Variants in C16orf96 observed in about 807,000 individuals in gnomAD.
C16orf96 encodes the protein chromosome 16 open reading frame 96.
C16orf96 carries 108 observed loss-of-function variants against 103.6 expected under a neutral mutation model. That is an observed-to-expected ratio of 1.04 (90% CI 0.89 to 1.22). C16orf96 has a LOEUF of 1.22. C16orf96 is among the 50% of genes most tolerant of loss of function. C16orf96 has a pLI of 0.00. For missense variants in C16orf96, 1,586 were observed against 1,464.2 expected, an observed-to-expected ratio of 1.08 and a Z score of -1.36; for synonymous variants, 566 against 593.5, an observed-to-expected ratio of 0.95 and a Z score of 0.67.
intron 15 of C16orf96, 84 bp downstream of exon 15, chr16:4,599,448 C>A (rs900386613): frequency 2.4e-6 from 3 of 1,225,792 alleles, no homozygotes; most frequent in African/African-American, 3.0e-5. Flanking sequence ...ATCCCCCACA[C>A]CCCGCCTGGG....
At chr16:4,546,341 G>T in the C16orf96 span, among the ~76,000 whole-genome samples, 1 of 151,730 alleles carries the variant, frequency 6.6e-6, no homozygotes, top group African/African-American at 2.4e-5. Context: ...TGTGTTTTTA[G>T]TAGAGATGGG....
intron 5 of C16orf96, among the ~76,000 whole-genome samples, chr16:4,577,257 C>A (rs531545365): frequency 1.3e-5 from 2 of 152,186 alleles, no homozygotes; most frequent in Non-Finnish European, 1.5e-5. Flanking sequence ...ATTGGCTAAG[C>A]ATGGTGACTC....
At position 4,576,475 on chromosome 16, in the gene C16orf96, G is replaced by C; in HGVS notation, c.1995G>C (p.Gln665His). 3 of 1,551,462 alleles carry C rather than the reference G, an allele frequency of 1.9e-6. No homozygotes were observed. Among genetic ancestry groups the C allele is most frequent in the Non-Finnish European group, 2.6e-6 (3 of 1,147,008 alleles). The change falls in exon 5 of 16, where the codon CAG becomes CAC. Residue 665 changes from glutamine (Q) to histidine (H), a missense_variant. Physicochemically the swap from Gln to His is conservative, Grantham distance 24. Transcript: ENST00000444310. The stretch of plus-strand genomic sequence containing the variant: ...TCGGTCCCGATCCAGCCCTGTCCCA[G>C]GCCATGGTGGCTACCAAGCAGGCCA... ...ASIGPDPALSQAMVATKQAMS... is the reference protein window; with the variant it reads ...ASIGPDPALSHAMVATKQAMS...
At chr16:4,538,808 C>G in the C16orf96 span, 1 of 151,950 alleles carries the variant, frequency 6.6e-6, no homozygotes, top group Non-Finnish European at 1.5e-5. Context: ...GGACCAGGGC[C>G]GAGGCCCGGG....
rs868709225 is a variant in C16orf96, at chr16:4,578,955, C to T, written c.2171C>T (p.Pro724Leu). 6.4e-7 allele frequency: 1 copy of T among 1,551,340 alleles called. No homozygotes were observed. Residue 724 changes from proline (P) to leucine (L), a missense_variant, in exon 6 of 16, where the codon CCT becomes CTT. By Grantham distance (98) the Pro-to-Leu change is moderately conservative. Coordinates refer to ENST00000444310, the MANE Select transcript of C16orf96 (RefSeq NM_001145011.2). ...RLSYLANMGG[P>L]SSLGTTVDIL... ...CTGCTTTCAGCCAATATGGGAGGTC[C>T]TTCCAGCCTCGGGACAACAGTGGAC...
Position 4,594,363 on chromosome 16 carries a change from G to A in C16orf96, c.2880G>A (p.Trp960Ter). The part of the protein sequence containing the change: ...LQRQQMREQQ[W>*]LQLQDLGIQE... The stretch of plus-strand genomic sequence containing the variant: ...TGCCCTGCTGCAGGGAACAGCAGTG[G>A]CTGCAGCTCCAGGACCTCGGTATCC... The change falls in exon 13 of 16, where the codon TGG (tryptophan) becomes TGA (stop). Residue 960 changes from tryptophan to a stop codon, truncating the protein, a stop_gained. Transcript: ENST00000444310. LOFTEE classifies it high-confidence loss of function. 1 of 1,550,960 alleles carries A rather than the reference G, an allele frequency of 6.4e-7. No individual in the cohort carries two copies. Among genetic ancestry groups the A allele is most frequent in the Non-Finnish European group, 8.7e-7 (1 of 1,146,966 alleles).
chr16:4,573,748 T>A (rs1220277047), intron 2 of C16orf96, among the ~76,000 whole-genome samples: 1 of 121,162 alleles, frequency 8.3e-6, no homozygotes. Context: ...TGAGACTCTG[T>A]CTCAAAAAAA....
chr16:4,550,296 G>T, the C16orf96 span, among the ~76,000 whole-genome samples: 1 of 152,028 alleles, frequency 6.6e-6, no homozygotes, highest in African/African-American at 2.4e-5. Context: ...TGTTGGACAG[G>T]TTGGTCTCTA....
intron 14 of C16orf96, among the ~76,000 whole-genome samples, chr16:4,595,453 G>A (rs1226187323): frequency 6.6e-6 from 1 of 152,208 alleles, no homozygotes. Flanking sequence ...TTGCTGCAGT[G>A]CTGAGGCCCG....
At chr16:4,557,449 T>C (rs922372491) in intron 1 of C16orf96, among the ~76,000 whole-genome samples, 20 of 152,122 alleles carry the variant, frequency 1.3e-4, no homozygotes, top group Non-Finnish European at 2.9e-5. Flanking sequence ...TTATACGAAA[T>C]GTCCAGAATA....
At position 4,600,626 on chromosome 16, in the gene C16orf96, T is replaced by C. The variant is rs1034201592; in HGVS notation, c.*309T>C. ...CCAGAAAGGGTGCTGGGGCCCTGGA[T>C]AGAGGGGAGGGGTCTGTGTAGGGGA... On this transcript the variant is annotated 3_prime_UTR_variant, in exon 16 of 16. Transcript: ENST00000444310. The C allele has an allele frequency of 4.6e-5, 18 of 391,448 alleles. No homozygotes were observed. The highest frequency in any genetic ancestry group is 3.5e-4 in the African/African-American group (17 of 48,284). The allele number at this position is 391,448 out of a possible 1,614,324, so 24.2% of individuals were successfully genotyped here. A position where few individuals can be genotyped will look rare whatever the true frequency, so the allele number is the denominator to read the frequency against.
chr16:4,552,058 C>G (rs2059231153), upstream of C16orf96, among the ~76,000 whole-genome samples: 1 of 152,190 alleles, frequency 6.6e-6, no homozygotes. Context: ...TGATAGTTTA[C>G]AGCTTCATCC....
At chr16:4,563,156 G>A (rs1046886460) in intron 1 of C16orf96, 2 of 758,806 alleles carry the variant, frequency 2.6e-6, no homozygotes, top group Non-Finnish European at 4.7e-6. Context: ...ATCACTGCCA[G>A]AAGAGTTTGA....
At chr16:4,581,193 G>A (rs1339694822) in intron 7 of C16orf96, among the ~76,000 whole-genome samples, 1 of 126,162 alleles carries the variant, frequency 7.9e-6, no homozygotes, top group Non-Finnish European at 1.7e-5. Flanking sequence ...TAATTAGCCA[G>A]GCGTAGTGGC....
chr16:4,572,265 A>T (rs913649858), intron 2 of C16orf96, among the ~76,000 whole-genome samples: 1 of 151,288 alleles, frequency 6.6e-6, no homozygotes, highest in Non-Finnish European at 1.5e-5. Context: ...TAAAAGGTCC[A>T]GGGACGGCCA....
rs186508705 is a variant in C16orf96, at chr16:4,558,784, G to A, written c.420+1875G>A. On this transcript the variant is annotated intron_variant, in intron 1 of 15. Coordinates refer to ENST00000444310, the MANE Select transcript of C16orf96 (RefSeq NM_001145011.2). ...ACAAAAATTAGCTGGGCATGCTTGC[G>A]TGCGCCTGTAGTCCCAGCTACTCGG... is the stretch of plus-strand genomic sequence containing the variant. Among the ~76,000 whole-genome samples, 74 of 152,052 alleles carry A rather than the reference G, an allele frequency of 4.9e-4. 1 individual carries two copies. The East Asian group carries it at 0.012, about 25-fold the overall frequency.
intron 14 of C16orf96, 34 bp downstream of exon 14, chr16:4,594,837 C>T: frequency 6.5e-7 from 1 of 1,541,652 alleles, no homozygotes; most frequent in African/African-American, 1.4e-5. Context: ...GGCACCCTTG[C>T]CTGGGGCCCT....
In C16orf96 at chr16:4,600,246, A is replaced by G. The variant is rs1270724328; in HGVS notation, c.3355A>G (p.Arg1119Gly). 1 of 1,551,264 alleles carries G rather than the reference A, an allele frequency of 6.4e-7. No individual in the cohort carries two copies. The highest frequency in any genetic ancestry group is 2.0e-5 in the Admixed American group (1 of 50,968). Residue 1119 changes from arginine to glycine, a missense_variant, in exon 16 of 16, where the codon AGG becomes GGG. Arg to Gly is a moderately radical substitution (Grantham distance 125). Transcript: ENST00000444310. Reference sequence around the variant, plus strand: ...CCCCCAGCAGGCCCCAGGGTCCACCAGGCTCTCAAGAGCTCCACACATTGA... The same window carrying G: ...CCCCCAGCAGGCCCCAGGGTCCACCGGGCTCTCAAGAGCTCCACACATTGA... ...RDPQQAPGST[R>G]LSRAPHIESR...
intron 3 of C16orf96, 53 bp from the exon 4 acceptor site, chr16:4,574,919 G>T (rs1257872634): frequency 1.3e-6 from 2 of 1,533,656 alleles, no homozygotes; most frequent in Non-Finnish European, 1.8e-6. Flanking sequence ...CAGGTGTGGG[G>T]GACACTGCCC....
Sources: gnomAD v4.1 joint callset for allele counts (sites outside exome capture counted in the v4.1 genomes callset) on GRCh38, gnomAD v4.1.1 for gene constraint, MANE v1.5 for transcripts, NCBI Gene and HGNC (gene_info 2026-07-23, HGNC 2026-07-21) for gene names.